The following CASQ2 variants were observed in gnomAD, a reference collection of about 807,000 sequenced individuals.
CASQ2 encodes calsequestrin 2.
A neutral mutation model predicts 46.5 loss-of-function variants in CASQ2; 49 were observed. The observed-to-expected ratio is 1.05, with a 90% CI of 0.84 to 1.34. The LOEUF is 1.34. Among genes scored for constraint, CASQ2 ranks in the 40% most tolerant of loss-of-function variants. The pLI is 0.00. For synonymous variants in CASQ2, 174 were observed against 168.5 expected (o/e 1.03, Z -0.25); for missense variants, 486 against 481.3 (o/e 1.01, Z -0.09).
intron 1 of CASQ2, among the ~76,000 whole-genome samples, chr1:115,747,462 C>T (rs1489143789): frequency 1.3e-5 from 2 of 152,012 alleles, no homozygotes; most frequent in South Asian, 2.1e-4. Context: ...TATCCTAGTC[C>T]TTTAGCATTT....
In CASQ2 at chr1:115,722,502, A is replaced by G. The variant is rs138595219; in HGVS notation, c.783+3006T>C. ...ACAGGCTCCCCATCTACAGAACACC[A>G]TGGTCTTGAGTGATACTGCTATGAC... On this transcript the variant is annotated intron_variant, in intron 7 of 10. Coordinates refer to ENST00000261448, the MANE Select transcript of CASQ2 (RefSeq NM_001232.4). Among the ~76,000 whole-genome samples, 6 of 152,286 alleles carry G rather than the reference A, an allele frequency of 3.9e-5. No individual in the cohort carries two copies. The East Asian group carries it at 1.2e-3, about 29-fold the overall frequency.
chr1:115,733,035 C>G (rs1370008498), intron 4 of CASQ2, 61 bp from the exon 5 acceptor site: 2 of 1,228,202 alleles, frequency 1.6e-6, no homozygotes, highest in East Asian at 2.3e-5. Flanking sequence ...GAAGAATCTT[C>G]TTTTTAAATG....
chr1:115,726,999 G>C lies in CASQ2; in HGVS notation c.730C>G (p.His244Asp). The C allele has an allele frequency of 6.2e-7, 1 of 1,608,832 alleles. No individual in the cohort carries two copies. The highest frequency in any genetic ancestry group is 8.5e-7 in the Non-Finnish European group (1 of 1,176,686). Residue 244 changes from histidine to aspartate, a missense_variant, in exon 6 of 11, where the codon CAC (histidine) becomes GAC (aspartate). By Grantham distance (81) the His-to-Asp change is moderately conservative. Coordinates refer to ENST00000261448, the MANE Select transcript of CASQ2 (RefSeq NM_001232.4). ...EEELVEFVKE[H>D]QRPTLRRLRP... ...ACATGCCATCTCAGGCACCTTTGGTGTTCCTTCACAAACTCCACCAGCTCC... is the reference window on the plus strand; with the variant it reads ...ACATGCCATCTCAGGCACCTTTGGTCTTCCTTCACAAACTCCACCAGCTCC...
At chr1:115,727,159 TA>T in intron 5 of CASQ2, 37 bp from the exon 6 acceptor site, 3 of 1,499,058 alleles carry the variant, frequency 2.0e-6, no homozygotes, top group Non-Finnish European at 2.8e-6. Context: ...TTTATTTGAA[TA>T]CTAGTCTAGA....
chr1:115,727,220 G>A, intron 5 of CASQ2, 98 bp from the exon 6 acceptor site: 1 of 971,516 alleles, frequency 1.0e-6, no homozygotes. Flanking sequence ...TTCCGGCAAA[G>A]ACATAAAAAC....
At position 115,744,864 on chromosome 1, in the gene CASQ2, C is replaced by T; in HGVS notation, c.283G>A (p.Asp95Asn). ...GCAAGCTTGGCTTCTTTCTTGGCAT[C>T]CACCATCACAAAGCCTATAGCTTTA... is the stretch of plus-strand genomic sequence containing the variant. ...EHKAIGFVMV[D>N]AKKEAKLAKK... Residue 95 changes from aspartate to asparagine, a missense_variant, in exon 2 of 11, where the codon GAT becomes AAT. Asp to Asn is a conservative substitution (Grantham distance 23, BLOSUM62 1). Transcript: ENST00000261448. 6.2e-7 allele frequency: 1 copy of T among 1,613,956 alleles called. No individual in the cohort carries two copies. The highest frequency in any genetic ancestry group is 1.1e-5 in the South Asian group (1 of 91,054).
chr1:115,712,853 CAAA>C (rs1349796492), intron 8 of CASQ2, among the ~76,000 whole-genome samples: 2 of 117,842 alleles, frequency 1.7e-5, no homozygotes, highest in African/African-American at 3.2e-5. Context: ...GAGACTGCCT[CAAA>C]AAAAAAAAAA....
chr1:115,742,192 G>A (rs1557798639), intron 2 of CASQ2, among the ~76,000 whole-genome samples: 1 of 151,336 alleles, frequency 6.6e-6, no homozygotes, highest in African/African-American at 2.4e-5. Context: ...TCATATATAA[G>A]TATATATGAA....
intron 2 of CASQ2, 125 bp downstream of exon 2, chr1:115,744,703 G>A (rs1326709292): frequency 1.4e-6 from 1 of 714,192 alleles, no homozygotes; most frequent in Non-Finnish European, 2.5e-6. Flanking sequence ...ATGAAGGTAT[G>A]CAGGATCATT....
Position 115,701,163 on chromosome 1 carries a change from T to C in CASQ2, c.*78A>G, listed in dbSNP as rs201492152. The C allele has an allele frequency of 1.2e-6, 2 of 1,610,940 alleles. No homozygotes were observed. The highest frequency in any genetic ancestry group is 1.7e-6 in the Non-Finnish European group (2 of 1,178,724). On this transcript the variant is annotated 3_prime_UTR_variant, in exon 11 of 11. Coordinates refer to ENST00000261448, the MANE Select transcript of CASQ2 (RefSeq NM_001232.4). ...GAGCTGGCTGGGTGTGGGGCAGAAT[T>C]GCTTGCTGCCACCTTGTGCTGTCTG...
At chr1:115,743,850 G>A (rs1032942390) in intron 2 of CASQ2, among the ~76,000 whole-genome samples, 2 of 152,040 alleles carry the variant, frequency 1.3e-5, no homozygotes, top group Admixed American at 6.5e-5. Flanking sequence ...AAAATCAGAG[G>A]AGCGGGCCGG....
At chr1:115,741,433 T>G (rs1379594610) in intron 2 of CASQ2, among the ~76,000 whole-genome samples, 1 of 152,248 alleles carries the variant, frequency 6.6e-6, no homozygotes, top group Non-Finnish European at 1.5e-5. Context: ...TTCATTTTTC[T>G]TAAGAAAGGT....
rs4614259 is a variant in CASQ2 at position 115,701,677 on chromosome 1, C to A, written c.1015-251G>T. Among the ~76,000 whole-genome samples, 35,441 of 152,100 alleles carry A rather than the reference C, an allele frequency of 0.23. 4,176 individuals are homozygous for A. The highest frequency in any genetic ancestry group is 0.29 in the South Asian group (1,411 of 4,814). ...TGACATTTCTGGTAATATACCCATG[C>A]AACAACCACCAGTGGTTCCCTCCAG... is the stretch of plus-strand genomic sequence containing the variant. On this transcript the variant is annotated intron_variant, in intron 10 of 10. Transcript: ENST00000261448.
At chr1:115,725,241 A>AT (rs1057215638) in intron 7 of CASQ2, among the ~76,000 whole-genome samples, 31 of 151,600 alleles carry the variant, frequency 2.0e-4, no homozygotes, top group South Asian at 4.2e-4. Context: ...TACTTTTTGC[A>AT]TTTTTTTGTA....
At chr1:115,755,308 G>T (rs1290238029) in intron 1 of CASQ2, among the ~76,000 whole-genome samples, 1 of 152,124 alleles carries the variant, frequency 6.6e-6, no homozygotes, top group African/African-American at 2.4e-5. Flanking sequence ...ATGCAGTCTG[G>T]AAGCCCAGGC....
At chr1:115,715,654 G>A (rs1654678055) in intron 8 of CASQ2, among the ~76,000 whole-genome samples, 1 of 152,086 alleles carries the variant, frequency 6.6e-6, no homozygotes, top group Non-Finnish European at 1.5e-5. Flanking sequence ...AAAACCACTG[G>A]AATCTTCACT....
chr1:115,720,377 G>T (rs1406351833), intron 7 of CASQ2, among the ~76,000 whole-genome samples: 2 of 152,086 alleles, frequency 1.3e-5, no homozygotes, highest in Non-Finnish European at 2.9e-5. Flanking sequence ...CAACATGAGA[G>T]TTCAGCCCTC....
At chr1:115,734,144 A>T (rs540847643) in intron 4 of CASQ2, among the ~76,000 whole-genome samples, 65 of 152,372 alleles carry the variant, frequency 4.3e-4, no homozygotes, top group African/African-American at 1.5e-3. Flanking sequence ...GCAGGTAGTC[A>T]GAAAAGATAT....
In CASQ2 at chr1:115,768,626, G is replaced by GGA; in HGVS notation, c.-87_-86dup. 1 of 867,150 alleles carries GGA rather than the reference G, an allele frequency of 1.2e-6. No homozygotes were observed. The highest frequency in any genetic ancestry group is 1.9e-6 in the Non-Finnish European group (1 of 530,776). 53.7% of individuals were successfully genotyped at this position (867,150 alleles called of 1,614,324 possible). A position where few individuals can be genotyped will look rare whatever the true frequency, so the allele number is the denominator to read the frequency against. ...ACTGTTAGAGGCCTTGTTGAGCCAAGGAGAGAGCAGACAGGCTGATTTTCT... is the reference window on the plus strand; with the variant it reads ...ACTGTTAGAGGCCTTGTTGAGCCAAGGAGAGAGAGCAGACAGGCTGATTTTCT... On this transcript the variant is annotated 5_prime_UTR_variant, in exon 1 of 11. Coordinates refer to ENST00000261448, the MANE Select transcript of CASQ2 (RefSeq NM_001232.4).
Sources: allele counts gnomAD v4.1 joint callset (sites outside exome capture counted in the v4.1 genomes callset), GRCh38; gene constraint gnomAD v4.1.1; transcripts MANE v1.5; gene names NCBI Gene and HGNC (gene_info 2026-07-23, HGNC 2026-07-21).